The following AP1S3 variants were observed in gnomAD, a reference collection of about 807,000 sequenced individuals.
The protein encoded by AP1S3 is AP-1 complex subunit sigma-3.
AP1S3 carries 10 observed loss-of-function variants against 20.9 expected under a neutral mutation model. The ratio of observed to expected loss-of-function variants is 0.48; its 90% confidence interval spans 0.29 to 0.81. The LOEUF is 0.81. Among genes scored for constraint, AP1S3 ranks in the 30% least tolerant of loss-of-function variants. The probability of loss-of-function intolerance (pLI) is 0.08; values close to 1 mark genes in which losing one functional copy is unlikely to be tolerated. For synonymous variants in AP1S3, 41 were observed against 61.5 expected (o/e 0.67, Z 1.56); for missense variants, 154 against 183.8 (o/e 0.84, Z 0.94).
At chr2:223,787,390 C>A (rs769889127) in intron 1 of AP1S3, among the ~76,000 whole-genome samples, 5 of 152,166 alleles carry the variant, frequency 3.3e-5, no homozygotes, top group Non-Finnish European at 7.3e-5. Flanking sequence ...GGGTCTCAAC[C>A]CTTCAGAGTG....
At chr2:223,780,302 TATATATAGAGAGAGAGAG>T (rs1208316079) in intron 1 of AP1S3, among the ~76,000 whole-genome samples, 17 of 49,580 alleles carry the variant, frequency 3.4e-4, no homozygotes, top group African/African-American at 1.1e-3. Context: ...TATATATATA[TATATATAGAGAGAGAGAG>T]AGAGAGAGAG....
intron 1 of AP1S3, among the ~76,000 whole-genome samples, chr2:223,832,516 CT>C (rs1225396928): frequency 6.6e-6 from 1 of 152,002 alleles, no homozygotes; most frequent in Non-Finnish European, 1.5e-5. Context: ...CATTTCTCCC[CT>C]GATCCCAAAG....
chr2:223,820,782 G>C (rs547450103), intron 1 of AP1S3, among the ~76,000 whole-genome samples: 1 of 151,604 alleles, frequency 6.6e-6, no homozygotes, highest in African/African-American at 2.4e-5. Context: ...ACTTTTTCTC[G>C]GGAACTAGAT....
At chr2:223,820,436 G>A (rs1173925062) in intron 1 of AP1S3, among the ~76,000 whole-genome samples, 1 of 151,516 alleles carries the variant, frequency 6.6e-6, no homozygotes, top group Non-Finnish European at 1.5e-5. Flanking sequence ...TGAGGCACGG[G>A]GTGTGCCTGT....
At chr2:223,798,203 C>T (rs1691389047) in intron 1 of AP1S3, among the ~76,000 whole-genome samples, 1 of 152,160 alleles carries the variant, frequency 6.6e-6, no homozygotes, top group Non-Finnish European at 1.5e-5. Flanking sequence ...TTTTGGCCTG[C>T]TGTCAATCTC....
chr2:223,780,390 G>GTC (rs1690915051), intron 1 of AP1S3, among the ~76,000 whole-genome samples: 2 of 146,648 alleles, frequency 1.4e-5, no homozygotes, highest in Admixed American at 6.8e-5. Flanking sequence ...GTGTGTGTGT[G>GTC]TGTGTGTTTT....
At chr2:223,827,234 A>G (rs930529354) in intron 1 of AP1S3, among the ~76,000 whole-genome samples, 14 of 152,216 alleles carry the variant, frequency 9.2e-5, no homozygotes, top group African/African-American at 3.4e-4. Flanking sequence ...AACTGAAGAC[A>G]TGACTTCTTA....
chr2:223,805,436 C>T (rs1002784078), intron 1 of AP1S3, among the ~76,000 whole-genome samples: 5 of 151,942 alleles, frequency 3.3e-5, no homozygotes, highest in African/African-American at 1.2e-4. Context: ...AAGCGAAACT[C>T]CATCTCAAAA....
In AP1S3 at chr2:223,777,698, A is replaced by C; in HGVS notation, c.175T>G (p.Tyr59Asp). ...TCAAAAAGTTACTCACACCTTTTAT[A>C]AACAAGTTTTAGCTCCTTCCAGTCA... ...FVDWKELKLV[Y>D]KRYASLYFCC... Residue 59 changes from tyrosine to aspartate, a missense_variant, in exon 2 of 5, where the codon TAT (tyrosine) becomes GAT (aspartate). By Grantham distance (160) the Tyr-to-Asp change is radical. Coordinates refer to ENST00000396654, the MANE Select transcript of AP1S3 (RefSeq NM_001039569.2). The C allele has an allele frequency of 6.2e-7, 1 of 1,612,548 alleles. No homozygotes were observed. Among genetic ancestry groups the C allele is most frequent in the Middle Eastern group, 1.7e-4 (1 of 6,052 alleles).
intron 4 of AP1S3, 186 bp downstream of exon 4, chr2:223,765,027 G>A (rs1173024009): frequency 2.7e-6 from 2 of 742,788 alleles, no homozygotes; most frequent in Non-Finnish European, 3.9e-6. Context: ...TGTAAAGTGG[G>A]AGTAACAATA....
intron 1 of AP1S3, among the ~76,000 whole-genome samples, chr2:223,814,253 G>C (rs1361933625): frequency 1.3e-5 from 2 of 152,118 alleles, no homozygotes; most frequent in Admixed American, 1.3e-4. Context: ...GTGGGAAGAG[G>C]CCTCAGTGGA....
At chr2:223,803,885 A>C (rs1691522023) in intron 1 of AP1S3, among the ~76,000 whole-genome samples, 2 of 151,998 alleles carry the variant, frequency 1.3e-5, no homozygotes, top group Non-Finnish European at 2.9e-5. Flanking sequence ...GTCTCAAAAA[A>C]AAAAAAAAAA....
intron 1 of AP1S3, among the ~76,000 whole-genome samples, chr2:223,785,557 C>T (rs932587330): frequency 6.6e-6 from 1 of 152,080 alleles, no homozygotes; most frequent in Non-Finnish European, 1.5e-5. Flanking sequence ...GAAAAAAATG[C>T]TTAATAAAAA....
At position 223,756,365 on chromosome 2, in the gene AP1S3, G is replaced by GA; in HGVS notation, c.*2349dup. ...AAGAAAAGAAAAGAAAAGAGAAAAA[G>GA]AAAGAAAGAAAGGAGGGAGGGAGGA... On this transcript the variant is annotated 3_prime_UTR_variant, in exon 5 of 5. Coordinates refer to ENST00000396654, the MANE Select transcript of AP1S3 (RefSeq NM_001039569.2). The GA allele has an allele frequency of 6.7e-6, 2 of 300,554 alleles. No individual in the cohort carries two copies. The highest frequency in any genetic ancestry group is 9.3e-6 in the Non-Finnish European group (2 of 214,782). The allele number at this position is 300,554 out of a possible 1,614,324, so 18.6% of individuals were successfully genotyped here.
intron 2 of AP1S3, among the ~76,000 whole-genome samples, chr2:223,777,232 T>C (rs1690804024): frequency 6.6e-6 from 1 of 152,166 alleles, no homozygotes; most frequent in Non-Finnish European, 1.5e-5. Flanking sequence ...CCCGTCTCTC[T>C]TAAAATACAA....
chr2:223,765,487 G>C (rs1248575103), intron 3 of AP1S3, 137 bp from the exon 4 acceptor site: 1 of 889,276 alleles, frequency 1.1e-6, no homozygotes, highest in African/African-American at 1.7e-5. Flanking sequence ...TTTAAGGACA[G>C]AAAAAAAGAA....
chr2:223,771,227 C>A (rs1690616164), intron 3 of AP1S3, among the ~76,000 whole-genome samples: 2 of 151,934 alleles, frequency 1.3e-5, no homozygotes, highest in African/African-American at 4.8e-5. Context: ...ATCCCAGCTA[C>A]TCGGGAGGCT....
At chr2:223,776,210 C>T in intron 2 of AP1S3, 1 of 671,990 alleles carries the variant, frequency 1.5e-6, no homozygotes, top group East Asian at 3.0e-5. Context: ...GGATTACTTC[C>T]ATTAATTACG....
At chr2:223,830,668 T>G (rs1692236909) in intron 1 of AP1S3, among the ~76,000 whole-genome samples, 1 of 152,136 alleles carries the variant, frequency 6.6e-6, no homozygotes, top group South Asian at 2.1e-4. Context: ...CATTTCAGTG[T>G]CCACTGAGCT....
Sources: gnomAD v4.1 joint callset for allele counts (sites outside exome capture counted in the v4.1 genomes callset) on GRCh38, gnomAD v4.1.1 for gene constraint, MANE v1.5 for transcripts, NCBI Gene and HGNC (gene_info 2026-07-23, HGNC 2026-07-21) for gene names.